ATP1A1: variants seen among roughly 807,000 people sequenced by gnomAD.
ATP1A1 encodes the protein ATPase Na+/K+ transporting subunit alpha 1.
ATP1A1 carries 14 observed loss-of-function variants against 114.8 expected under a neutral mutation model. That is an observed-to-expected ratio of 0.12 (90% CI 0.08 to 0.19). The LOEUF is 0.19. Ranked by LOEUF, ATP1A1 falls within the 10% of genes least tolerant of loss-of-function variation. ATP1A1 has a pLI of 1.00. For synonymous variants in ATP1A1, 471 were observed against 466.3 expected (o/e 1.01, Z -0.13); for missense variants, 524 against 1,290.7 (o/e 0.41, Z 9.10).
Position 116,398,612 on chromosome 1 carries a change from C to T in ATP1A1, c.2125-9C>T. 3 of 1,611,574 alleles carry T rather than the reference C, an allele frequency of 1.9e-6. No individual in the cohort carries two copies. The highest frequency in any genetic ancestry group is 2.5e-6 in the Non-Finnish European group (3 of 1,178,544). On this transcript the variant is annotated splice_polypyrimidine_tract_variant and intron_variant, in intron 15 of 22. Transcript: ENST00000295598. The surrounding 1 kb of genome is among the most constrained non-coding windows in gnomAD (Gnocchi z 6.1). ...TTGGTATTAACCCGTTTTCCCTTTT[C>T]TGGGGTAGGGTGCTATCGTGGCTGT...
At chr1:116,374,374 G>T in intron 1 of ATP1A1, 1 of 1,354,124 alleles carries the variant, frequency 7.4e-7, no homozygotes, top group Non-Finnish European at 1.0e-6. Flanking sequence ...AAGGAGGATA[G>T]GCAGACCCAC....
In ATP1A1 at chr1:116,393,833, C is replaced by A; in HGVS notation, c.1660+110C>A. On this transcript the variant is annotated intron_variant, in intron 12 of 22. Transcript: ENST00000295598. This position sits in a 1 kb window ranked among gnomAD's most constrained non-coding sequence, Gnocchi z 5.0. ...TGAACCTCTATGTCTTGTTGACCTTCCTCTACATCTTTTAGGGGCAATCCT... is the reference window on the plus strand; with the variant it reads ...TGAACCTCTATGTCTTGTTGACCTTACTCTACATCTTTTAGGGGCAATCCT... The A allele has an allele frequency of 9.2e-7, 1 of 1,088,842 alleles. No homozygotes were observed. The highest frequency in any genetic ancestry group is 1.3e-6 in the Non-Finnish European group (1 of 778,406). The allele number at this position is 1,088,842 out of a possible 1,614,324, so 67.4% of individuals were successfully genotyped here.
Position 116,401,479 on chromosome 1 carries a change from A to G in ATP1A1, c.2850-75A>G. On this transcript the variant is annotated intron_variant, in intron 20 of 22. Coordinates refer to ENST00000295598, the MANE Select transcript of ATP1A1 (RefSeq NM_000701.8). This position sits in a 1 kb window ranked among gnomAD's most constrained non-coding sequence, Gnocchi z 4.7. ...TAATACATAAAGATGTTGATCTGCCATTTTAATGCATAGCATTAGAAGATA... is the reference window on the plus strand; with the variant it reads ...TAATACATAAAGATGTTGATCTGCCGTTTTAATGCATAGCATTAGAAGATA... 6.7e-7 allele frequency: 1 copy of G among 1,499,892 alleles called. No homozygotes were observed. Among genetic ancestry groups the G allele is most frequent in the East Asian group, 2.3e-5 (1 of 44,138 alleles). 92.9% of individuals were successfully genotyped at this position (1,499,892 alleles called of 1,614,324 possible).
Position 116,389,138 on chromosome 1 carries a change from G to A in ATP1A1, c.754+119G>A. ...CTCCATTTCTGAGAACTTGTGTCAA[G>A]CACAGAGCAGAGGTGTTTTCCTAGC... On this transcript the variant is annotated intron_variant, in intron 7 of 22. Coordinates refer to ENST00000295598, the MANE Select transcript of ATP1A1 (RefSeq NM_000701.8). The surrounding 1 kb of genome is among the most constrained non-coding windows in gnomAD (Gnocchi z 6.9). The A allele has an allele frequency of 9.4e-7, 1 of 1,061,536 alleles. No homozygotes were observed. The highest frequency in any genetic ancestry group is 1.4e-6 in the Non-Finnish European group (1 of 708,424). 65.8% of individuals were successfully genotyped at this position (1,061,536 alleles called of 1,614,324 possible).
rs768322777 is a variant in ATP1A1, at chr1:116,401,567, A to G, written c.2863A>G (p.Ile955Val). The change falls in exon 21 of 23, where the codon ATA becomes GTA. Residue 955 changes from isoleucine to valine, a missense_variant. By Grantham distance (29) the Ile-to-Val change is conservative. Coordinates refer to ENST00000295598, the MANE Select transcript of ATP1A1 (RefSeq NM_000701.8). The surrounding 1 kb of genome is among the most constrained non-coding windows in gnomAD (Gnocchi z 4.7). ...FQQGMKNKIL[I>V]FGLFEETALA... ...CTTTGATTTTAGGAACAAGATCTTG[A>G]TATTTGGCCTCTTTGAAGAGACAGC... The G allele has an allele frequency of 6.2e-7, 1 of 1,614,116 alleles. No homozygotes were observed. Among genetic ancestry groups the G allele is most frequent in the East Asian group, 2.2e-5 (1 of 44,886 alleles).
In ATP1A1 at chr1:116,398,112, C is replaced by A; in HGVS notation, c.2124+74C>A. 1 of 1,568,224 alleles carries A rather than the reference C, an allele frequency of 6.4e-7. No individual in the cohort carries two copies. The highest frequency in any genetic ancestry group is 8.7e-7 in the Non-Finnish European group (1 of 1,151,152). ...GATTGGAGTTCCAGTGGAAACAGAG[C>A]AACGGTGATGGATGGATGCATACCT... On this transcript the variant is annotated intron_variant, in intron 15 of 22. Transcript: ENST00000295598. This position sits in a 1 kb window ranked among gnomAD's most constrained non-coding sequence, Gnocchi z 6.1.
Position 116,404,760 on chromosome 1 carries a change from G to A in ATP1A1, c.*316G>A. On this transcript the variant is annotated 3_prime_UTR_variant, in exon 23 of 23. Coordinates refer to ENST00000295598, the MANE Select transcript of ATP1A1 (RefSeq NM_000701.8). The surrounding 1 kb of genome is among the most constrained non-coding windows in gnomAD (Gnocchi z 4.8). ...ATCTGGATTTTTACAAATAAAGATG[G>A]CTATTATAATGGAATTTGTCTGTGC... 8.7e-7 allele frequency: 1 copy of A among 1,143,328 alleles called. No homozygotes were observed. The highest frequency in any genetic ancestry group is 1.1e-6 in the Non-Finnish European group (1 of 933,382). 70.8% of individuals were successfully genotyped at this position (1,143,328 alleles called of 1,614,324 possible).
At position 116,384,040 on chromosome 1, in the gene ATP1A1, A is replaced by G. The variant is rs1060366; in HGVS notation, c.39A>G (p.Ala13=). Residue 13 remains alanine (A), a synonymous_variant, in exon 2 of 23, where the codon GCA becomes GCG. Transcript: ENST00000295598. This position sits in a 1 kb window ranked among gnomAD's most constrained non-coding sequence, Gnocchi z 5.1. ...TTGGACGTGATAAGTATGAGCCTGCAGCTGTTTCAGAACAAGGTGATAAAA... is the reference window on the plus strand; with the variant it reads ...TTGGACGTGATAAGTATGAGCCTGCGGCTGTTTCAGAACAAGGTGATAAAA... ...KGVGRDKYEP[A]AVSEQGDKKG... 2,422 of 1,614,016 alleles carry G rather than the reference A, an allele frequency of 1.5e-3. 8 individuals carry two copies. Among genetic ancestry groups the G allele is most frequent in the Non-Finnish European group, 1.7e-3 (1,998 of 1,179,992 alleles).
At chr1:116,403,346 C>T (rs1454098746) in intron 21 of ATP1A1, among the ~76,000 whole-genome samples, 1 of 152,146 alleles carries the variant, frequency 6.6e-6, no homozygotes, top group Non-Finnish European at 1.5e-5. Context: ...CCCTTGGAAG[C>T]CTTCGGGCTC....
intron 1 of ATP1A1, among the ~76,000 whole-genome samples, chr1:116,376,248 G>A (rs1364942827): frequency 6.6e-6 from 1 of 152,182 alleles, no homozygotes; most frequent in Non-Finnish European, 1.5e-5. Flanking sequence ...AGTGATTTAA[G>A]GAAGGGCAGG....
At chr1:116,392,697 G>C (rs1652563253) in intron 10 of ATP1A1, 157 bp from the exon 11 acceptor site, 3 of 834,350 alleles carry the variant, frequency 3.6e-6, no homozygotes. Context: ...GGGGCTAGAG[G>C]GACTCCTGTC....
At chr1:116,382,376 G>A (rs1160515424) in intron 1 of ATP1A1, 1 of 152,108 alleles carries the variant, frequency 6.6e-6, no homozygotes, top group African/African-American at 2.4e-5. Context: ...TTGTCCACTT[G>A]TATGTGTTAC....
At chr1:116,386,126 CAAAAAAAAAAAAAAAAAAAAAAA>C (rs59480092) in intron 3 of ATP1A1, 1 of 36,090 alleles carries the variant, frequency 2.8e-5, no homozygotes, top group South Asian at 2.2e-3. Context: ...AACTCCATCT[CAAAAAAAAAAAAAAAAAAAAAAA>C]AAAAAAAAGG....
At position 116,397,782 on chromosome 1, in the gene ATP1A1, G is replaced by T; in HGVS notation, c.1974-106G>T. 3.6e-6 allele frequency: 5 copies of T among 1,389,590 alleles called. No individual in the cohort carries two copies. The highest frequency in any genetic ancestry group is 4.9e-6 in the Non-Finnish European group (5 of 1,029,214). 86.1% of individuals were successfully genotyped at this position (1,389,590 alleles called of 1,614,324 possible). A position where few individuals can be genotyped will look rare whatever the true frequency, so the allele number is the denominator to read the frequency against. ...ATGTGCTGGGGAAAATTCCTTCTTT[G>T]TTTTGTTTACAAAGTGATCTGCATA... On this transcript the variant is annotated intron_variant, in intron 14 of 22. Transcript: ENST00000295598. This position sits in a 1 kb window ranked among gnomAD's most constrained non-coding sequence, Gnocchi z 4.2.
Position 116,398,052 on chromosome 1 carries a change from AG to A in ATP1A1, c.2124+16del. 1 of 1,613,554 alleles carries A rather than the reference AG, an allele frequency of 6.2e-7. No homozygotes were observed. Among genetic ancestry groups the A allele is most frequent in the Non-Finnish European group, 8.5e-7 (1 of 1,179,692 alleles). On this transcript the variant is annotated intron_variant, in intron 15 of 22. Transcript: ENST00000295598. This position sits in a 1 kb window ranked among gnomAD's most constrained non-coding sequence, Gnocchi z 6.1. ...TGCCAAAGACAGGTCAGCCAGCACA[AG>A]GATCAGGCTGCTTTGGGCACTATTG...
Position 116,399,213 on chromosome 1 carries a change from G to A in ATP1A1, c.2448+129G>A, listed in dbSNP as rs1653220337. ...GAAATTCTCAGGACCAGTATCCAGTGTGTGTCCCAATCCCGGCTTCACAGA... is the reference window on the plus strand; with the variant it reads ...GAAATTCTCAGGACCAGTATCCAGTATGTGTCCCAATCCCGGCTTCACAGA... On this transcript the variant is annotated intron_variant, in intron 17 of 22. Coordinates refer to ENST00000295598, the MANE Select transcript of ATP1A1 (RefSeq NM_000701.8). This position sits in a 1 kb window ranked among gnomAD's most constrained non-coding sequence, Gnocchi z 5.0. 2 of 1,433,108 alleles carry A rather than the reference G, an allele frequency of 1.4e-6. No homozygotes were observed. The highest frequency in any genetic ancestry group is 3.8e-5 in the Admixed American group (2 of 52,598). The allele number at this position is 1,433,108 out of a possible 1,614,324, so 88.8% of individuals were successfully genotyped here.
At position 116,390,284 on chromosome 1, in the gene ATP1A1, G is replaced by A; in HGVS notation, c.1095G>A (p.Glu365=). The change falls in exon 9 of 23, where the codon GAG becomes GAA. Residue 365 remains glutamate, a synonymous_variant. Transcript: ENST00000295598. The part of the protein sequence containing the change: ...NCLVKNLEAV[E]TLGSTSTICS... ...TAGTGAAGAACTTAGAAGCTGTGGA[G>A]ACCTTGGGGTCCACGTCCACCATCT... The A allele has an allele frequency of 6.2e-7, 1 of 1,614,144 alleles. No homozygotes were observed. The highest frequency in any genetic ancestry group is 8.5e-7 in the Non-Finnish European group (1 of 1,180,020).
In ATP1A1 at chr1:116,402,873, A is replaced by G. The variant is rs115764370; in HGVS notation, c.2952-1011A>G. 6.8e-3 allele frequency among the ~76,000 whole-genome samples: 1,034 copies of G among 152,190 alleles called. 15 individuals are homozygous for G. The highest frequency in any genetic ancestry group is 0.024 in the African/African-American group (990 of 41,500). On this transcript the variant is annotated intron_variant, in intron 21 of 22. Transcript: ENST00000295598. ...CCTGCTAGGTTTTAATCTAGAAGGC[A>G]TGGGCCACAGTGTCTTTCTTCTCTG...
intron 1 of ATP1A1, among the ~76,000 whole-genome samples, chr1:116,379,296 T>C (rs1651584055): frequency 6.6e-6 from 1 of 152,192 alleles, no homozygotes; most frequent in Admixed American, 6.5e-5. Flanking sequence ...CCTTGGTAAA[T>C]TATATTCTCC....
Sources: gnomAD v4.1 joint callset for allele counts (sites outside exome capture counted in the v4.1 genomes callset) on GRCh38, gnomAD v4.1.1 for gene constraint, Gnocchi (gnomAD v3.1) non-coding constraint, MANE v1.5 for transcripts, NCBI Gene and HGNC (gene_info 2026-07-23, HGNC 2026-07-21) for gene names.